Variants in GALNTL5 observed in about 807,000 individuals in gnomAD.
The protein encoded by GALNTL5 is polypeptide N-acetylgalactosaminyltransferase like 5.
A neutral mutation model predicts 51.0 loss-of-function variants in GALNTL5; 44 were observed. The ratio of observed to expected loss-of-function variants is 0.86; its 90% CI spans 0.68 to 1.11. GALNTL5 has a LOEUF of 1.11. GALNTL5 is among the 50% of genes least tolerant of loss of function. The pLI is 0.00. For missense variants in GALNTL5, 528 were observed against 531.8 expected, an observed-to-expected ratio of 0.99 and a Z score of 0.07; for synonymous variants, 192 against 182.8, an observed-to-expected ratio of 1.05 and a Z score of -0.41.
chr7:151,999,458 AT>A (rs1252191191), intron 5 of GALNTL5, among the ~76,000 whole-genome samples: 1 of 152,206 alleles, frequency 6.6e-6, no homozygotes, highest in African/African-American at 2.4e-5. Context: ...TGGCTGCACC[AT>A]TTACACTCCC....
chr7:151,987,117 A>G (rs2081368189), intron 4 of GALNTL5, 42 bp from the exon 5 acceptor site: 4 of 1,508,528 alleles, frequency 2.7e-6, no homozygotes, highest in Admixed American at 2.1e-5. Flanking sequence ...CAATTTCTAT[A>G]GTTGCCGTTT....
At chr7:151,986,416 C>A (rs2081360122) in intron 4 of GALNTL5, among the ~76,000 whole-genome samples, 1 of 152,162 alleles carries the variant, frequency 6.6e-6, no homozygotes, top group Non-Finnish European at 1.5e-5. Context: ...GGGAGGATCC[C>A]TTGAGGCCAG....
intron 3 of GALNTL5, among the ~76,000 whole-genome samples, chr7:151,973,465 CA>C (rs59709572): frequency 0.45 from 64,335 of 144,352 alleles, 13,693 homozygotes; most frequent in Middle Eastern, 0.52. Context: ...CTCCGTCTTA[CA>C]AAAAAAAAAA....
At chr7:151,999,873 A>G (rs956042230) in intron 5 of GALNTL5, among the ~76,000 whole-genome samples, 39 of 152,222 alleles carry the variant, frequency 2.6e-4, no homozygotes, top group Admixed American at 2.0e-4. Context: ...AATATTCCAA[A>G]GTGAGTTGTT....
At chr7:152,008,088 C>T in intron 7 of GALNTL5, 144 bp downstream of exon 7, 1 of 576,720 alleles carries the variant, frequency 1.7e-6, no homozygotes, top group Non-Finnish European at 3.1e-6. Context: ...ATTTATGGGG[C>T]TCCTTGTAAA....
At chr7:151,996,643 G>A (rs1373311332) in intron 5 of GALNTL5, among the ~76,000 whole-genome samples, 2 of 152,086 alleles carry the variant, frequency 1.3e-5, no homozygotes, top group African/African-American at 4.8e-5. Flanking sequence ...TATTTATTTG[G>A]GAGGGCGAGG....
chr7:152,002,915 T>G lies in GALNTL5; in HGVS notation c.860T>G (p.Val287Gly). 1 of 1,614,050 alleles carries G rather than the reference T, an allele frequency of 6.2e-7. No homozygotes were observed. Among genetic ancestry groups the G allele is most frequent in the Non-Finnish European group, 8.5e-7 (1 of 1,179,898 alleles). The change falls in exon 6 of 9, where the codon GTT (valine) becomes GGT (glycine). Residue 287 changes from valine (V) to glycine (G), a missense_variant. By Grantham distance (109) the Val-to-Gly change is moderately radical. Transcript: ENST00000392800. ...AACCTACAATTTAAATGGGATAATG[T>G]TTTCTCTTATGAGATGGATGGACCA... ...DWNLQFKWDNVFSYEMDGPEG... is the reference protein window; with the variant it reads ...DWNLQFKWDNGFSYEMDGPEG...
chr7:152,001,774 G>A (rs2081583475), intron 5 of GALNTL5, among the ~76,000 whole-genome samples: 1 of 152,102 alleles, frequency 6.6e-6, no homozygotes, highest in African/African-American at 2.4e-5. Context: ...AGCTGGGATT[G>A]CAATAGGGAT....
At chr7:151,968,799 T>C (rs549212031) in intron 2 of GALNTL5, among the ~76,000 whole-genome samples, 1 of 152,286 alleles carries the variant, frequency 6.6e-6, no homozygotes, top group African/African-American at 2.4e-5. Context: ...CATGGTCCAG[T>C]TTTTAAATTT....
At chr7:151,999,599 T>C (rs1487526037) in intron 5 of GALNTL5, among the ~76,000 whole-genome samples, 2 of 152,234 alleles carry the variant, frequency 1.3e-5, no homozygotes, top group Admixed American at 6.5e-5. Flanking sequence ...GTTTTCCTAA[T>C]GACATGATGT....
chr7:151,996,251 AC>A (rs2081498937), intron 5 of GALNTL5, among the ~76,000 whole-genome samples: 1 of 151,928 alleles, frequency 6.6e-6, no homozygotes, highest in Non-Finnish European at 1.5e-5. Context: ...GTACATGTGC[AC>A]AATGTGCAGG....
At chr7:152,008,332 C>T (rs765221932) in intron 7 of GALNTL5, among the ~76,000 whole-genome samples, 13 of 151,662 alleles carry the variant, frequency 8.6e-5, no homozygotes, top group Non-Finnish European at 1.5e-4. Context: ...CCTCCCATCT[C>T]GGCCTCCCAA....
chr7:152,010,899 T>C (rs568626261), intron 7 of GALNTL5, among the ~76,000 whole-genome samples: 2 of 152,198 alleles, frequency 1.3e-5, no homozygotes, highest in Non-Finnish European at 2.9e-5. Flanking sequence ...AGAACTGACA[T>C]TTAAGATACA....
At chr7:152,013,954 G>A (rs1586856835) in intron 7 of GALNTL5, among the ~76,000 whole-genome samples, 1 of 152,118 alleles carries the variant, frequency 6.6e-6, no homozygotes, top group East Asian at 1.9e-4. Context: ...GGAGTTTTAG[G>A]TATTAAAAAA....
chr7:151,982,739 C>A, intron 3 of GALNTL5: 1 of 629,784 alleles, frequency 1.6e-6, no homozygotes, highest in Non-Finnish European at 2.7e-6. Flanking sequence ...ATTATCAACA[C>A]AGTCTCAGGA....
intron 6 of GALNTL5, among the ~76,000 whole-genome samples, chr7:152,005,538 A>G (rs1348901829): frequency 6.6e-6 from 1 of 152,128 alleles, no homozygotes; most frequent in Non-Finnish European, 1.5e-5. Flanking sequence ...TGAGATGTCT[A>G]TTTGGCATTC....
intron 8 of GALNTL5, among the ~76,000 whole-genome samples, chr7:152,016,967 G>A (rs559083361): frequency 4.0e-5 from 6 of 151,696 alleles, no homozygotes; most frequent in African/African-American, 1.5e-4. Context: ...GAACCCAGGA[G>A]GTAGAGGTTG....
At chr7:151,969,502 GCA>G (rs1387642256) in intron 2 of GALNTL5, among the ~76,000 whole-genome samples, 2 of 152,086 alleles carry the variant, frequency 1.3e-5, no homozygotes, top group African/African-American at 2.4e-5. Flanking sequence ...TGTCTGGCAC[GCA>G]GACACAGCCA....
intron 7 of GALNTL5, among the ~76,000 whole-genome samples, chr7:152,008,823 G>A (rs1037119538): frequency 7.9e-5 from 12 of 151,912 alleles, no homozygotes; most frequent in Admixed American, 5.9e-4. Context: ...TGCCTTTGGC[G>A]CATTTTATTC....
Sources: gnomAD v4.1 joint callset for allele counts (sites outside exome capture counted in the v4.1 genomes callset) on GRCh38, gnomAD v4.1.1 for gene constraint, MANE v1.5 for transcripts, NCBI Gene and HGNC (gene_info 2026-07-23, HGNC 2026-07-21) for gene names.